Variants in GPHN observed in about 807,000 individuals in gnomAD.
The protein encoded by GPHN is gephyrin.
Under a neutral mutation model 95.5 loss-of-function variants are expected in GPHN, and 17 were observed. That is an observed-to-expected ratio of 0.18 (90% CI 0.12 to 0.27). The LOEUF is 0.27. Ranked by LOEUF, GPHN falls within the 10% of genes least tolerant of loss-of-function variation. The pLI, the probability that GPHN is intolerant of heterozygous loss-of-function variation, is 1.00. For missense variants in GPHN, 660 were observed against 978.1 expected, an observed-to-expected ratio of 0.67 and a Z score of 4.34; for synonymous variants, 320 against 322.5, an observed-to-expected ratio of 0.99 and a Z score of 0.08.
At chr14:67,701,411 C>G in the GPHN span, among the ~76,000 whole-genome samples, 4 of 141,548 alleles carry the variant, frequency 2.8e-5, no homozygotes, top group Non-Finnish European at 4.6e-5. Context: ...TTTTAAAGAA[C>G]TTTATTATAA....
the GPHN span, chr14:67,542,040 A>T: frequency 3.9e-6 from 6 of 1,527,488 alleles, 1 homozygote; most frequent in South Asian, 7.4e-5. Context: ...GCAGAGGTTT[A>T]TGGCAGGGAG....
the GPHN span, among the ~76,000 whole-genome samples, chr14:67,608,929 T>TG: frequency 3.9e-5 from 6 of 152,194 alleles, no homozygotes; most frequent in Non-Finnish European, 8.8e-5. Context: ...ACCAAGCGTA[T>TG]GGGGGGCTTT....
chr14:66,718,617 G>A (rs1424630746), intron 2 of GPHN, among the ~76,000 whole-genome samples: 2 of 152,166 alleles, frequency 1.3e-5, no homozygotes, highest in African/African-American at 4.8e-5. Flanking sequence ...ACAGAGTGCT[G>A]ATTGGTGCGT....
chr14:67,139,361 G>C (rs1046671782), intron 17 of GPHN, among the ~76,000 whole-genome samples: 1 of 152,054 alleles, frequency 6.6e-6, no homozygotes, highest in African/African-American at 2.4e-5. Flanking sequence ...CAGCCTCTCA[G>C]GTAGCTGAGA....
chr14:67,433,263 C>T, the GPHN span, among the ~76,000 whole-genome samples: 1 of 152,054 alleles, frequency 6.6e-6, no homozygotes, highest in Non-Finnish European at 1.5e-5. Context: ...AAGTATATAC[C>T]ATGGTAGCTA....
chr14:67,319,013 G>A, the GPHN span, among the ~76,000 whole-genome samples: 4 of 151,386 alleles, frequency 2.6e-5, no homozygotes, highest in South Asian at 2.1e-4. Flanking sequence ...AGCCGAGATC[G>A]CGCCACTGCA....
At chr14:67,341,309 G>A in the GPHN span, among the ~76,000 whole-genome samples, 4 of 151,452 alleles carry the variant, frequency 2.6e-5, no homozygotes, top group South Asian at 4.2e-4. Context: ...GGTGAGGAGC[G>A]TCTCTGCCCG....
At chr14:67,412,463 G>A in the GPHN span, among the ~76,000 whole-genome samples, 13 of 152,154 alleles carry the variant, frequency 8.5e-5, no homozygotes, top group Non-Finnish European at 1.5e-4. Context: ...AGGACTCCAG[G>A]ATTTGGAGCC....
the GPHN span, among the ~76,000 whole-genome samples, chr14:67,584,706 G>A: frequency 3.3e-5 from 5 of 152,212 alleles, no homozygotes; most frequent in East Asian, 3.8e-4. Context: ...ACTATGTCCA[G>A]TGCTGGTTGT....
At chr14:67,382,293 A>T in the GPHN span, 1 of 546,976 alleles carries the variant, frequency 1.8e-6, no homozygotes, top group African/African-American at 2.0e-5. Context: ...CGTAATTGCC[A>T]ATTCTGTAGG....
chr14:66,898,775 T>C (rs1431898034), intron 5 of GPHN, among the ~76,000 whole-genome samples: 2 of 151,968 alleles, frequency 1.3e-5, no homozygotes, highest in African/African-American at 4.8e-5. Context: ...AAAAAATTGC[T>C]CAGATTTTTA....
intron 1 of GPHN, among the ~76,000 whole-genome samples, chr14:66,670,876 C>G (rs1051196612): frequency 2.0e-5 from 3 of 152,032 alleles, no homozygotes; most frequent in African/African-American, 7.2e-5. Context: ...AGAATTGTAC[C>G]TAGGTACTTA....
chr14:66,835,904 C>T (rs1433611471), intron 4 of GPHN, among the ~76,000 whole-genome samples: 1 of 149,630 alleles, frequency 6.7e-6, no homozygotes, highest in African/African-American at 2.5e-5. Context: ...AGGACCTCTT[C>T]AAGGAGAACT....
At chr14:66,916,320 G>T (rs1208185126) in intron 6 of GPHN, among the ~76,000 whole-genome samples, 1 of 152,052 alleles carries the variant, frequency 6.6e-6, no homozygotes, top group Non-Finnish European at 1.5e-5. Context: ...GAGAAGAAGT[G>T]CATAAGACAA....
At chr14:66,862,138 C>A (rs2063049275) in intron 4 of GPHN, among the ~76,000 whole-genome samples, 1 of 151,692 alleles carries the variant, frequency 6.6e-6, no homozygotes, top group Non-Finnish European at 1.5e-5. Context: ...TAAACAAAAT[C>A]AAAAATGGAA....
chr14:66,760,979 G>A (rs2058734532), intron 2 of GPHN: 1 of 618,024 alleles, frequency 1.6e-6, no homozygotes, highest in Non-Finnish European at 3.1e-6. Flanking sequence ...AAATGGTATA[G>A]CAGTTACCAG....
intron 9 of GPHN, among the ~76,000 whole-genome samples, chr14:66,974,345 T>C (rs1348115198): frequency 1.3e-5 from 2 of 152,146 alleles, no homozygotes; most frequent in Non-Finnish European, 2.9e-5. Context: ...ATTTTTCTTT[T>C]TTCGTTCATG....
the GPHN span, among the ~76,000 whole-genome samples, chr14:67,685,785 T>A: frequency 6.6e-6 from 1 of 151,918 alleles, no homozygotes; most frequent in East Asian, 1.9e-4. Context: ...CAGGCTAATT[T>A]TTGTATTTTT....
chr14:67,465,218 A>G, the GPHN span, among the ~76,000 whole-genome samples: 1 of 152,260 alleles, frequency 6.6e-6, no homozygotes, highest in Admixed American at 6.5e-5. Context: ...CCACGGAGAT[A>G]GAAACCAATG....
Sources: allele counts gnomAD v4.1 joint callset (sites outside exome capture counted in the v4.1 genomes callset), GRCh38; gene constraint gnomAD v4.1.1; transcripts MANE v1.5; gene names NCBI Gene and HGNC (gene_info 2026-07-23, HGNC 2026-07-21).